Variants in TMPRSS15 observed in about 807,000 individuals in gnomAD.
TMPRSS15 encodes enteropeptidase.
Under a neutral mutation model 125.3 loss-of-function variants are expected in TMPRSS15, and 128 were observed. The ratio of observed to expected loss-of-function variants is 1.02; its 90% CI spans 0.89 to 1.18. The LOEUF is 1.18. Among genes scored for constraint, TMPRSS15 ranks in the 50% most tolerant of loss-of-function variants. The probability of loss-of-function intolerance (pLI) is 0.00; values close to 1 mark genes in which losing one functional copy is unlikely to be tolerated. For synonymous variants in TMPRSS15, 446 were observed against 423.2 expected (o/e 1.05, Z -0.66); for missense variants, 1,283 against 1,212.7 (o/e 1.06, Z -0.86).
intron 18 of TMPRSS15, among the ~76,000 whole-genome samples, chr21:18,307,562 G>A (rs953633092): frequency 6.6e-6 from 1 of 151,994 alleles, no homozygotes; most frequent in Non-Finnish European, 1.5e-5. Flanking sequence ...GATCTATTAT[G>A]TGTCTATCAT....
At chr21:18,469,688 G>A (rs1173815675) in intron 1 of TMPRSS15, among the ~76,000 whole-genome samples, 1 of 152,030 alleles carries the variant, frequency 6.6e-6, no homozygotes, top group Non-Finnish European at 1.5e-5. Flanking sequence ...TAATTAAGGA[G>A]CAAAGTTATT....
chr21:18,308,235 T>G (rs2075057398), intron 18 of TMPRSS15, among the ~76,000 whole-genome samples: 1 of 152,154 alleles, frequency 6.6e-6, no homozygotes, highest in African/African-American at 2.4e-5. Flanking sequence ...AATAAACAAC[T>G]GTCACTTTCT....
At chr21:18,464,428 A>G (rs185446442) in intron 1 of TMPRSS15, among the ~76,000 whole-genome samples, 122 of 152,172 alleles carry the variant, frequency 8.0e-4, no homozygotes, top group Middle Eastern at 3.4e-3. Flanking sequence ...GAATTGAAGG[A>G]GATAGAGACA....
At chr21:18,411,341 T>G (rs1258988417) in intron 1 of TMPRSS15, among the ~76,000 whole-genome samples, 1 of 148,094 alleles carries the variant, frequency 6.8e-6, no homozygotes, top group Non-Finnish European at 1.5e-5. Flanking sequence ...TGTTAAAACT[T>G]TTTTTTTTTT....
chr21:18,326,864 G>T (rs2146962110), intron 15 of TMPRSS15, among the ~76,000 whole-genome samples: 1 of 152,312 alleles, frequency 6.6e-6, no homozygotes, highest in East Asian at 1.9e-4. Flanking sequence ...CAAAGCTCAT[G>T]TTATCCCAGA....
rs1194272866 is a variant in TMPRSS15 at position 18,269,748 on chromosome 21, A to AAAT, written c.*218_*220dup. The AAAT allele has an allele frequency of 4.0e-6, 2 of 499,642 alleles. No individual in the cohort carries two copies. Among genetic ancestry groups the AAAT allele is most frequent in the African/African-American group, 1.9e-5 (1 of 51,734 alleles). The allele number at this position is 499,642 out of a possible 1,614,324, so 31.0% of individuals were successfully genotyped here. A position where few individuals can be genotyped will look rare whatever the true frequency, so the allele number is the denominator to read the frequency against. ...GAAATACCTGTTCACAATGAAATAC[A>AAAT]AATGTATTTAATGGTATTTTAAAGT... On this transcript the variant is annotated 3_prime_UTR_variant, in exon 25 of 25. Coordinates refer to ENST00000284885, the MANE Select transcript of TMPRSS15 (RefSeq NM_002772.3).
chr21:18,452,826 G>A (rs1220816209), intron 1 of TMPRSS15, among the ~76,000 whole-genome samples: 1 of 152,158 alleles, frequency 6.6e-6, no homozygotes, highest in Non-Finnish European at 1.5e-5. Context: ...TATTTAATGT[G>A]TGCAATTTGA....
chr21:18,316,753 C>A (rs2075171602), intron 16 of TMPRSS15, among the ~76,000 whole-genome samples: 1 of 152,142 alleles, frequency 6.6e-6, no homozygotes, highest in Admixed American at 6.5e-5. Context: ...CTGCTGTTTC[C>A]TGAGATTGTT....
Position 18,397,937 on chromosome 21 carries a change from T to C in TMPRSS15, c.286A>G (p.Ile96Val), listed in dbSNP as rs1274853262. Residue 96 changes from isoleucine (I) to valine (V), a missense_variant, in exon 3 of 25, where the codon ATC (isoleucine) becomes GTC (valine). By Grantham distance (29) the Ile-to-Val change is conservative. Transcript: ENST00000284885. The stretch of plus-strand genomic sequence containing the variant: ...TTCTTCAGATTGCTTGATAGAAAGA[T>C]CTCATCTATCTAGAAAAATATAAAA... ...AFDLQQMIDE[I>V]FLSSNLKNEY... 6.6e-7 allele frequency: 1 copy of C among 1,509,636 alleles called. No individual in the cohort carries two copies. The highest frequency in any genetic ancestry group is 9.1e-7 in the Non-Finnish European group (1 of 1,098,702). 93.5% of individuals were successfully genotyped at this position (1,509,636 alleles called of 1,614,324 possible).
At chr21:18,379,251 C>CA in intron 5 of TMPRSS15, 32 bp downstream of exon 5, 5 of 1,187,758 alleles carry the variant, frequency 4.2e-6, no homozygotes, top group Non-Finnish European at 5.5e-6. Context: ...AACTTTCTTT[C>CA]AAAAAATAAT....
At chr21:18,450,794 A>G (rs1463315675) in intron 1 of TMPRSS15, among the ~76,000 whole-genome samples, 1 of 152,198 alleles carries the variant, frequency 6.6e-6, no homozygotes, top group Non-Finnish European at 1.5e-5. Context: ...AGCCTTTTCA[A>G]ATAAAATACT....
chr21:18,374,479 CAAAAAAAAAAAAAA>C (rs1165884199), intron 5 of TMPRSS15, among the ~76,000 whole-genome samples: 3 of 59,914 alleles, frequency 5.0e-5, no homozygotes, highest in East Asian at 1.1e-3. Flanking sequence ...GACTCCGTCT[CAAAAAAAAAAAAAA>C]AAAAAAAAAA....
intron 1 of TMPRSS15, among the ~76,000 whole-genome samples, chr21:18,400,604 T>A (rs2076086177): frequency 6.6e-6 from 1 of 152,086 alleles, no homozygotes; most frequent in Admixed American, 6.6e-5. Context: ...AGATTTAAAT[T>A]AAGACCTCAA....
chr21:18,315,115 A>T, intron 17 of TMPRSS15, 31 bp downstream of exon 17: 1 of 1,554,210 alleles, frequency 6.4e-7, no homozygotes, highest in Non-Finnish European at 8.9e-7. Context: ...GGCTAAAGTC[A>T]TAAAAGTATT....
At position 18,464,576 on chromosome 21, in the gene TMPRSS15, A is replaced by T. The variant is rs2122954716; in HGVS notation, c.10+21223T>A. Among the ~76,000 whole-genome samples the T allele has an allele frequency of 3.2e-4, 48 of 152,282 alleles. No individual in the cohort carries two copies. In the South Asian group the frequency reaches 9.9e-3, roughly 32 times the overall value. On this transcript the variant is annotated intron_variant, in intron 1 of 7. Transcript: ENST00000422787. ...AACACAATAAAATATGATAAAGGGGATATCACCACCAACCCCATAGAAATA... is the reference window on the plus strand; with the variant it reads ...AACACAATAAAATATGATAAAGGGGTTATCACCACCAACCCCATAGAAATA...
Position 18,372,335 on chromosome 21 carries a change from T to C in TMPRSS15, c.533-11A>G, listed in dbSNP as rs1169684662. 1 of 1,611,200 alleles carries C rather than the reference T, an allele frequency of 6.2e-7. No homozygotes were observed. The highest frequency in any genetic ancestry group is 8.5e-7 in the Non-Finnish European group (1 of 1,177,932). ...CTATTGAGACATTTCCTTTAAAAAATAACTGAAATTAATTTCCAATTGATG... is the reference window on the plus strand; with the variant it reads ...CTATTGAGACATTTCCTTTAAAAAACAACTGAAATTAATTTCCAATTGATG... On this transcript the variant is annotated splice_polypyrimidine_tract_variant and intron_variant, in intron 5 of 24. Coordinates refer to ENST00000284885, the MANE Select transcript of TMPRSS15 (RefSeq NM_002772.3).
intron 1 of TMPRSS15, among the ~76,000 whole-genome samples, chr21:18,466,230 T>G (rs1479882613): frequency 6.6e-6 from 1 of 152,042 alleles, no homozygotes; most frequent in Non-Finnish European, 1.5e-5. Flanking sequence ...TGAAACTGGA[T>G]CCCTTCCTTA....
chr21:18,303,907 GT>G (rs1430716844), intron 18 of TMPRSS15, among the ~76,000 whole-genome samples: 1 of 152,170 alleles, frequency 6.6e-6, no homozygotes, highest in Non-Finnish European at 1.5e-5. Context: ...AATGGTGGTG[GT>G]GCAAAGAAAC....
intron 3 of TMPRSS15, among the ~76,000 whole-genome samples, chr21:18,386,598 C>G (rs1220276520): frequency 6.6e-6 from 1 of 152,034 alleles, no homozygotes; most frequent in Non-Finnish European, 1.5e-5. Flanking sequence ...TCTTTTCCTC[C>G]TACTCCTTTT....
Sources: gnomAD v4.1 joint callset for allele counts (sites outside exome capture counted in the v4.1 genomes callset) on GRCh38, gnomAD v4.1.1 for gene constraint, MANE v1.5 for transcripts, NCBI Gene and HGNC (gene_info 2026-07-23, HGNC 2026-07-21) for gene names.